Variants in CDC42BPA observed in about 807,000 individuals in gnomAD.
The protein encoded by CDC42BPA is serine/threonine-protein kinase MRCK alpha.
In CDC42BPA, 80 loss-of-function variants were observed where a neutral mutation model predicts 223.5. That is an observed-to-expected ratio of 0.36 (90% CI 0.30 to 0.43). The LOEUF (loss-of-function observed/expected upper bound fraction) is 0.43. Ranked by LOEUF, CDC42BPA falls within the 20% of genes least tolerant of loss-of-function variation. The pLI is 1.00. For missense variants in CDC42BPA, 1,743 were observed against 2,099.9 expected (o/e 0.83, Z 3.32); for synonymous variants, 694 against 718.6 (o/e 0.97, Z 0.55).
intron 11 of CDC42BPA, among the ~76,000 whole-genome samples, chr1:227,120,635 T>C (rs917308021): frequency 6.6e-6 from 1 of 152,170 alleles, no homozygotes; most frequent in African/African-American, 2.4e-5. Context: ...AGAAACAACA[T>C]TATTGATTTT....
At chr1:227,179,684 A>G (rs998455715) in intron 5 of CDC42BPA, among the ~76,000 whole-genome samples, 2 of 148,114 alleles carry the variant, frequency 1.4e-5, no homozygotes, top group Admixed American at 6.7e-5. Context: ...ACTATTTACA[A>G]TTTAATCTCA....
intron 23 of CDC42BPA, among the ~76,000 whole-genome samples, chr1:227,043,186 G>C (rs1572440787): frequency 6.6e-6 from 1 of 152,082 alleles, no homozygotes; most frequent in East Asian, 1.9e-4. Context: ...AGGCCAAGGA[G>C]GGCGGATCAC....
intron 35 of CDC42BPA, among the ~76,000 whole-genome samples, chr1:226,996,798 A>G (rs1661710367): frequency 6.6e-6 from 1 of 152,244 alleles, no homozygotes; most frequent in Non-Finnish European, 1.5e-5. Flanking sequence ...CTTGCATCTC[A>G]GGGATGAAGC....
intron 16 of CDC42BPA, among the ~76,000 whole-genome samples, chr1:227,091,541 G>C (rs1683080009): frequency 6.6e-6 from 1 of 152,134 alleles, no homozygotes; most frequent in Non-Finnish European, 1.5e-5. Flanking sequence ...ACAACCTGCA[G>C]AACCATAAGC....
At chr1:227,084,895 T>G (rs1345050038) in intron 16 of CDC42BPA, among the ~76,000 whole-genome samples, 1 of 152,086 alleles carries the variant, frequency 6.6e-6, no homozygotes, top group Admixed American at 6.6e-5. Flanking sequence ...CCCTAATGTA[T>G]GTGAGCCCCA....
chr1:227,060,901 T>C (rs189951411), intron 21 of CDC42BPA, among the ~76,000 whole-genome samples: 149 of 151,924 alleles, frequency 9.8e-4, no homozygotes, highest in South Asian at 4.4e-3. Context: ...TTTGTATTTT[T>C]AGTAGAGATG....
intron 1 of CDC42BPA, among the ~76,000 whole-genome samples, chr1:227,291,996 T>A (rs1434321075): frequency 6.6e-6 from 1 of 152,200 alleles, no homozygotes; most frequent in Non-Finnish European, 1.5e-5. Flanking sequence ...AATTTTTTTT[T>A]TTTTCAGACG....
chr1:227,162,883 T>TGC (rs1664202387), intron 5 of CDC42BPA, among the ~76,000 whole-genome samples: 1 of 151,906 alleles, frequency 6.6e-6, no homozygotes, highest in Non-Finnish European at 1.5e-5. Flanking sequence ...TGTGTGTGTG[T>TGC]GTGTTTCCAA....
At chr1:227,192,589 T>C (rs1669900807) in intron 5 of CDC42BPA, among the ~76,000 whole-genome samples, 1 of 152,224 alleles carries the variant, frequency 6.6e-6, no homozygotes, top group Admixed American at 6.5e-5. Flanking sequence ...CATCCAAAGA[T>C]ACTCTCATTT....
intron 6 of CDC42BPA, among the ~76,000 whole-genome samples, chr1:227,149,570 T>TA (rs1304075887): frequency 6.6e-6 from 1 of 152,002 alleles, no homozygotes; most frequent in African/African-American, 2.4e-5. Flanking sequence ...ATTAAAGACC[T>TA]AAAAAAATCA....
At chr1:227,060,036 T>TG (rs1553318059) in intron 21 of CDC42BPA, among the ~76,000 whole-genome samples, 2 of 143,524 alleles carry the variant, frequency 1.4e-5, no homozygotes, top group Admixed American at 6.9e-5. Flanking sequence ...TTTTGTTTTT[T>TG]TTTTTTTTTT....
chr1:227,008,413 C>A (rs1184659824), intron 34 of CDC42BPA, among the ~76,000 whole-genome samples: 2 of 152,200 alleles, frequency 1.3e-5, no homozygotes, highest in East Asian at 3.9e-4. Context: ...ACAATGAAAT[C>A]AGCACAAATA....
chr1:227,035,571 T>G lies in CDC42BPA; in HGVS notation c.3236A>C (p.Lys1079Thr). ...AGGAACTGGACAAGTGGTTGGAGCT[T>G]TGTTTACACAAGTTATATGGCATGA... ...GFSCHITCVN[K>T]APTTCPVPPE... Residue 1079 changes from lysine to threonine, a missense_variant, in exon 25 of 37, where the codon AAA becomes ACA. This residue lies in a region of CDC42BPA where 678 missense variants were observed against 777.5 expected (regional missense o/e 0.87). Transcript: ENST00000366766. 2 of 1,609,144 alleles carry G rather than the reference T, an allele frequency of 1.2e-6. No homozygotes were observed. The highest frequency in any genetic ancestry group is 8.5e-7 in the Non-Finnish European group (1 of 1,178,810).
At chr1:227,316,815 T>C (rs545476454) in intron 1 of CDC42BPA, among the ~76,000 whole-genome samples, 190 bp downstream of exon 1, 2 of 152,346 alleles carry the variant, frequency 1.3e-5, no homozygotes, top group South Asian at 2.1e-4. Context: ...AAGGCAACAA[T>C]TGAGCAGCAC....
chr1:227,280,543 G>C (rs1179693297), intron 1 of CDC42BPA, among the ~76,000 whole-genome samples: 1 of 152,232 alleles, frequency 6.6e-6, no homozygotes, highest in Non-Finnish European at 1.5e-5. Context: ...GAAAGCTAAA[G>C]ACCTGAAAAT....
At chr1:227,307,399 T>C (rs1692743559) in intron 1 of CDC42BPA, among the ~76,000 whole-genome samples, 1 of 152,168 alleles carries the variant, frequency 6.6e-6, no homozygotes, top group African/African-American at 2.4e-5. Flanking sequence ...CACAACCAGT[T>C]TAAAGGCTCT....
chr1:227,189,318 G>C (rs1183497328), intron 5 of CDC42BPA, among the ~76,000 whole-genome samples: 1 of 152,116 alleles, frequency 6.6e-6, no homozygotes, highest in Non-Finnish European at 1.5e-5. Context: ...AACTAAGTAA[G>C]AGTAAGAAAT....
At chr1:227,267,725 G>C (rs1286255921) in intron 1 of CDC42BPA, among the ~76,000 whole-genome samples, 3 of 152,184 alleles carry the variant, frequency 2.0e-5, no homozygotes, top group African/African-American at 7.2e-5. Context: ...TCACAAGGCA[G>C]CAGGAGAGCA....
At chr1:227,024,798 T>G (rs1667959311) in intron 31 of CDC42BPA, among the ~76,000 whole-genome samples, 2 of 152,206 alleles carry the variant, frequency 1.3e-5, no homozygotes, top group Non-Finnish European at 2.9e-5. Flanking sequence ...AGCAAAGGAA[T>G]GATAAGCACA....
Sources: gnomAD v4.1 joint callset for allele counts (sites outside exome capture counted in the v4.1 genomes callset) on GRCh38, gnomAD v4.1.1 for gene constraint, gnomAD v4.1.1 regional missense constraint, MANE v1.5 for transcripts, NCBI Gene and HGNC (gene_info 2026-07-23, HGNC 2026-07-21) for gene names.